The following SUPT3H variants were observed in gnomAD, a reference collection of about 807,000 sequenced individuals.
SUPT3H encodes transcription initiation protein SPT3 homolog.
In SUPT3H, 44 loss-of-function variants were observed where a neutral mutation model predicts 44.3. The observed-to-expected ratio is 0.99, with a 90% CI of 0.78 to 1.28. SUPT3H has a LOEUF of 1.28. SUPT3H is among the 50% of genes most tolerant of loss of function. The pLI is 0.00. For synonymous variants in SUPT3H, 124 were observed against 125.6 expected (o/e 0.99, Z 0.09); for missense variants, 380 against 387.1 (o/e 0.98, Z 0.15).
At chr6:45,209,189 G>A (rs1039427478) in intron 2 of SUPT3H, among the ~76,000 whole-genome samples, 3 of 152,182 alleles carry the variant, frequency 2.0e-5, no homozygotes, top group African/African-American at 2.4e-5. Context: ...GATGAATGTT[G>A]TTTTCATGCC....
chr6:45,211,998 T>C (rs1228787733), intron 2 of SUPT3H, among the ~76,000 whole-genome samples: 1 of 152,062 alleles, frequency 6.6e-6, no homozygotes, highest in Non-Finnish European at 1.5e-5. Flanking sequence ...ACCCCATCTC[T>C]ACTAAAAATG....
intron 2 of SUPT3H, among the ~76,000 whole-genome samples, chr6:45,254,804 C>T (rs1416161209): frequency 6.6e-6 from 1 of 152,158 alleles, no homozygotes; most frequent in Admixed American, 6.5e-5. Context: ...AAACATTAAA[C>T]AGAAAATTCC....
At chr6:44,982,962 C>A (rs1054089745) in intron 6 of SUPT3H, among the ~76,000 whole-genome samples, 1 of 152,112 alleles carries the variant, frequency 6.6e-6, no homozygotes, top group African/African-American at 2.4e-5. Context: ...CAAAAGGTAC[C>A]AATCACCATG....
At chr6:44,985,216 T>TAAAAC (rs1242150377) in intron 6 of SUPT3H, among the ~76,000 whole-genome samples, 9 of 121,956 alleles carry the variant, frequency 7.4e-5, no homozygotes, top group Non-Finnish European at 1.2e-4. Context: ...AATAAATAAA[T>TAAAAC]AAAATAAAAT....
chr6:45,153,933 G>A (rs1422470958), intron 2 of SUPT3H, among the ~76,000 whole-genome samples: 1 of 151,964 alleles, frequency 6.6e-6, no homozygotes, highest in Non-Finnish European at 1.5e-5. Flanking sequence ...AGCCAGGCGT[G>A]CTAGTGCATG....
intron 2 of SUPT3H, among the ~76,000 whole-genome samples, chr6:45,300,645 G>T (rs1053455225): frequency 3.3e-5 from 5 of 152,184 alleles, no homozygotes; most frequent in African/African-American, 1.2e-4. Flanking sequence ...CCTATGGGTT[G>T]ATGAAAAAGT....
intron 9 of SUPT3H, among the ~76,000 whole-genome samples, chr6:44,950,815 CTT>C (rs967453641): frequency 2.3e-3 from 330 of 144,322 alleles, no homozygotes; most frequent in African/African-American, 6.6e-3. Context: ...TTTTTTTCCT[CTT>C]GTTTTATTTT....
intron 8 of SUPT3H, among the ~76,000 whole-genome samples, chr6:44,954,026 C>A (rs2153474037): frequency 6.6e-6 from 1 of 152,278 alleles, no homozygotes; most frequent in East Asian, 1.9e-4. Flanking sequence ...GCAAGAGCCA[C>A]CGCGCCTGGC....
At chr6:44,917,841 T>G (rs1768056891) in intron 10 of SUPT3H, among the ~76,000 whole-genome samples, 2 of 152,188 alleles carry the variant, frequency 1.3e-5, no homozygotes, top group Admixed American at 1.3e-4. Context: ...TATCATCATA[T>G]ATTATATAGA....
intron 2 of SUPT3H, among the ~76,000 whole-genome samples, chr6:45,191,914 C>A (rs1454364005): frequency 2.6e-5 from 4 of 152,116 alleles, no homozygotes; most frequent in East Asian, 1.9e-4. Context: ...TATTAATATA[C>A]CTCATTTCTT....
chr6:44,857,559 C>A (rs1773943371), intron 10 of SUPT3H, among the ~76,000 whole-genome samples: 1 of 152,214 alleles, frequency 6.6e-6, no homozygotes, highest in Non-Finnish European at 1.5e-5. Flanking sequence ...AGTAATCCAG[C>A]TCTTCTACAA....
At chr6:45,223,467 G>T (rs894622486) in intron 2 of SUPT3H, among the ~76,000 whole-genome samples, 1 of 151,842 alleles carries the variant, frequency 6.6e-6, no homozygotes, top group South Asian at 2.1e-4. Context: ...TACTAAATTC[G>T]TATGTACCTA....
intron 10 of SUPT3H, among the ~76,000 whole-genome samples, chr6:44,903,585 C>T (rs1414075899): frequency 3.3e-5 from 5 of 152,096 alleles, no homozygotes; most frequent in African/African-American, 9.7e-5. Flanking sequence ...GATTCACAGC[C>T]GAATTCTACC....
intron 6 of SUPT3H, among the ~76,000 whole-genome samples, chr6:44,968,106 T>G (rs1024061648): frequency 2.6e-5 from 4 of 152,132 alleles, no homozygotes; most frequent in Non-Finnish European, 5.9e-5. Context: ...AAATTTTTTT[T>G]AATCTTATTC....
chr6:44,961,770 CTT>C lies in SUPT3H; in HGVS notation c.561_562del (p.Arg189ThrfsTer38), dbSNP rs767920976. On this transcript the variant is annotated frameshift_variant, in exon 7 of 11. Coordinates refer to ENST00000371459, the MANE Select transcript of SUPT3H (RefSeq NM_003599.4). LOFTEE classifies it high-confidence loss of function. ...TTACTTACAGAAACTTAATTGTCGA[CTT>C]TCACAGAATTCTGCATATTGAGCTG... 1,364 of 1,607,550 alleles carry C rather than the reference CTT, an allele frequency of 8.5e-4. No individual in the cohort carries two copies. The highest frequency in any genetic ancestry group is 1.1e-3 in the Non-Finnish European group (1,261 of 1,178,356).
chr6:44,977,497 A>G (rs2153487277), intron 6 of SUPT3H, among the ~76,000 whole-genome samples: 1 of 152,246 alleles, frequency 6.6e-6, no homozygotes, highest in South Asian at 2.1e-4. Flanking sequence ...GATTTGCAGA[A>G]AAACTTCAAA....
At chr6:45,254,710 T>G (rs1234365364) in intron 2 of SUPT3H, among the ~76,000 whole-genome samples, 1 of 152,152 alleles carries the variant, frequency 6.6e-6, no homozygotes, top group Non-Finnish European at 1.5e-5. Context: ...CCTTTCCAAC[T>G]CTAAAAAATT....
intron 10 of SUPT3H, among the ~76,000 whole-genome samples, chr6:44,894,537 TGCGGTGTTATTTCTGAGG>T (rs1396647388): frequency 7.9e-5 from 12 of 152,146 alleles, no homozygotes; most frequent in Non-Finnish European, 1.6e-4. Flanking sequence ...GTTGTAGATA[TGCGGTGTTATTTCTGAGG>T]GCTCTGTTCT....
intron 2 of SUPT3H, among the ~76,000 whole-genome samples, chr6:45,174,220 G>A (rs905340676): frequency 6.6e-6 from 1 of 152,164 alleles, no homozygotes; most frequent in Non-Finnish European, 1.5e-5. Flanking sequence ...TTTAATATGG[G>A]TTGTCCCATT....
Sources: gnomAD v4.1 joint callset for allele counts (sites outside exome capture counted in the v4.1 genomes callset) on GRCh38, gnomAD v4.1.1 for gene constraint, MANE v1.5 for transcripts, NCBI Gene and HGNC (gene_info 2026-07-23, HGNC 2026-07-21) for gene names.